Variants in ABHD6 observed in about 807,000 individuals in gnomAD.
The protein encoded by ABHD6 is monoacylglycerol lipase ABHD6.
Under a neutral mutation model 38.8 loss-of-function variants are expected in ABHD6, and 33 were observed. That is an observed-to-expected ratio of 0.85 (90% confidence interval 0.64 to 1.14). ABHD6 has a LOEUF of 1.14. Among genes scored for constraint, ABHD6 ranks in the 50% most tolerant of loss-of-function variants. The probability of loss-of-function intolerance (pLI) is 0.00; values close to 1 mark genes in which losing one functional copy is unlikely to be tolerated. For synonymous variants in ABHD6, 147 were observed against 161.6 expected (o/e 0.91, Z 0.69); for missense variants, 380 against 422.6 (o/e 0.90, Z 0.88).
chr3:58,289,824 G>A lies in ABHD6; in HGVS notation c.838-3765G>A, dbSNP rs1387072037. Among the ~76,000 whole-genome samples, 5 of 149,862 alleles carry A rather than the reference G, an allele frequency of 3.3e-5. No homozygotes were observed. In the South Asian group the frequency reaches 6.3e-4, roughly 19 times the overall value. ...CCAGTAGGGGCGGCCAGGCAGAGGC[G>A]CCCCTCACCACCCGGACAGGGCGGC... On this transcript the variant is annotated intron_variant, in intron 9 of 9. Coordinates refer to ENST00000478253, the MANE Select transcript of ABHD6 (RefSeq NM_001320126.2).
intron 1 of ABHD6, among the ~76,000 whole-genome samples, chr3:58,242,102 G>T (rs915194659): frequency 6.6e-6 from 1 of 152,154 alleles, no homozygotes; most frequent in African/African-American, 2.4e-5. Flanking sequence ...GAGAATAGGC[G>T]TGCCGGGGAG....
chr3:58,244,435 A>G (rs569291639), intron 1 of ABHD6, among the ~76,000 whole-genome samples: 1 of 152,294 alleles, frequency 6.6e-6, no homozygotes, highest in Admixed American at 6.5e-5. Context: ...GACTTATCAT[A>G]CCGTAAAAGA....
intron 9 of ABHD6, among the ~76,000 whole-genome samples, chr3:58,291,673 G>T (rs1199362118): frequency 6.6e-6 from 1 of 152,174 alleles, no homozygotes; most frequent in Non-Finnish European, 1.5e-5. Flanking sequence ...CATACCTCTG[G>T]GTGGCCATGG....
At chr3:58,268,862 A>C (rs2097442819) in intron 4 of ABHD6, among the ~76,000 whole-genome samples, 1 of 152,228 alleles carries the variant, frequency 6.6e-6, no homozygotes, top group Non-Finnish European at 1.5e-5. Context: ...ACAAACCAGA[A>C]TCGGGGTGAT....
At chr3:58,260,937 G>A (rs2097436527) in intron 3 of ABHD6, among the ~76,000 whole-genome samples, 2 of 152,176 alleles carry the variant, frequency 1.3e-5, no homozygotes, top group Non-Finnish European at 2.9e-5. Context: ...AAGTGTCCCT[G>A]GAGCATGGCC....
chr3:58,254,131 T>G (rs1440151070), intron 2 of ABHD6, among the ~76,000 whole-genome samples: 1 of 152,198 alleles, frequency 6.6e-6, no homozygotes, highest in Non-Finnish European at 1.5e-5. Flanking sequence ...GGTAGTAGAT[T>G]GGAGTTAGAA....
chr3:58,274,184 C>T (rs1011829885), intron 6 of ABHD6, among the ~76,000 whole-genome samples: 2 of 152,214 alleles, frequency 1.3e-5, no homozygotes, highest in Non-Finnish European at 2.9e-5. Context: ...CCACGTGGGT[C>T]CAGGCCAAGG....
chr3:58,271,766 G>GTTTTT (rs3038091), intron 6 of ABHD6, among the ~76,000 whole-genome samples: 9,352 of 63,588 alleles, frequency 0.15, 2,266 homozygotes, highest in East Asian at 0.62. Context: ...CCCTCTCTCT[G>GTTTTT]TTTTTTTTTT....
rs1174244014 is a variant in ABHD6, at chr3:58,259,609, A to G, written c.119+2904A>G. ...GGCAGAAGAATCGCTTGAACCCAGG[A>G]AGCGGAGGTTGCAGTGAGCCGAGAT... On this transcript the variant is annotated intron_variant, in intron 3 of 9. Coordinates refer to ENST00000478253, the MANE Select transcript of ABHD6 (RefSeq NM_001320126.2). This position sits in a 1 kb window ranked among gnomAD's most constrained non-coding sequence, Gnocchi z 4.7. Among the ~76,000 whole-genome samples the G allele has an allele frequency of 6.6e-6, 1 of 152,224 alleles. No homozygotes were observed. The highest frequency in any genetic ancestry group is 1.5e-5 in the Non-Finnish European group (1 of 68,034).
At chr3:58,279,572 G>A (rs369478782) in intron 7 of ABHD6, among the ~76,000 whole-genome samples, 9 of 151,986 alleles carry the variant, frequency 5.9e-5, no homozygotes, top group Non-Finnish European at 1.3e-4. Context: ...TTTTAATTGG[G>A]GCATTTAGCC....
At position 58,269,636 on chromosome 3, in the gene ABHD6, A is replaced by G. The variant is rs2097443408; in HGVS notation, c.390+202A>G. 6.6e-6 allele frequency among the ~76,000 whole-genome samples: 1 copy of G among 152,244 alleles called. No homozygotes were observed. The highest frequency in any genetic ancestry group is 2.4e-5 in the African/African-American group (1 of 41,468). ...AGGGCCAGGGCTTATTACAGACTTA[A>G]GCCTATTGCAGTTGTTTGTAACGAA... On this transcript the variant is annotated intron_variant, in intron 5 of 9. Transcript: ENST00000478253. This position sits in a 1 kb window ranked among gnomAD's most constrained non-coding sequence, Gnocchi z 4.4.
intron 7 of ABHD6, 120 bp from the exon 8 acceptor site, chr3:58,284,964 TA>T: frequency 1.1e-6 from 1 of 875,764 alleles, no homozygotes; most frequent in Non-Finnish European, 1.9e-6. Context: ...GACCAGGCTC[TA>T]AAGACCTTGA....
intron 2 of ABHD6, among the ~76,000 whole-genome samples, chr3:58,253,344 G>A (rs901320405): frequency 6.6e-6 from 1 of 152,188 alleles, no homozygotes; most frequent in Non-Finnish European, 1.5e-5. Flanking sequence ...TTTGTATGAT[G>A]TGGAAAAGTC....
intron 7 of ABHD6, among the ~76,000 whole-genome samples, chr3:58,279,905 T>G (rs1007764265): frequency 6.6e-6 from 1 of 152,162 alleles, no homozygotes; most frequent in South Asian, 2.1e-4. Flanking sequence ...TTTAAGAATG[T>G]TGAATATTAG....
At chr3:58,246,429 G>A (rs1219495765) in intron 1 of ABHD6, among the ~76,000 whole-genome samples, 3 of 152,148 alleles carry the variant, frequency 2.0e-5, no homozygotes, top group Non-Finnish European at 4.4e-5. Flanking sequence ...GCTGAGCCTC[G>A]GACTGATCTG....
chr3:58,258,667 C>A (rs1409527532), intron 3 of ABHD6: 1 of 187,018 alleles, frequency 5.3e-6, no homozygotes, highest in African/African-American at 2.4e-5. Context: ...GAAGTCGGAA[C>A]TCACTTCTGT....
intron 1 of ABHD6, among the ~76,000 whole-genome samples, chr3:58,240,647 T>C (rs531256575): frequency 6.6e-6 from 1 of 151,274 alleles, no homozygotes; most frequent in Admixed American, 6.6e-5. Flanking sequence ...TCACTGTAAC[T>C]TTGAACTCCT....
chr3:58,261,567 C>G (rs1275403585), intron 3 of ABHD6, among the ~76,000 whole-genome samples: 2 of 152,126 alleles, frequency 1.3e-5, no homozygotes. Context: ...GAGACAGGCT[C>G]AAACTCCTGG....
At chr3:58,275,632 C>A (rs1321849440) in intron 7 of ABHD6, among the ~76,000 whole-genome samples, 2 of 151,960 alleles carry the variant, frequency 1.3e-5, no homozygotes, top group Non-Finnish European at 2.9e-5. Flanking sequence ...TGGCTAGGAC[C>A]CCTTATCCTC....
Sources: allele counts gnomAD v4.1 joint callset (sites outside exome capture counted in the v4.1 genomes callset), GRCh38; gene constraint gnomAD v4.1.1; non-coding constraint Gnocchi (gnomAD v3.1); transcripts MANE v1.5; gene names NCBI Gene and HGNC (gene_info 2026-07-23, HGNC 2026-07-21).